Variants in ARHGAP26 observed in about 807,000 individuals in gnomAD.
ARHGAP26 encodes rho GTPase-activating protein 26.
In ARHGAP26, 38 loss-of-function variants were observed where a neutral mutation model predicts 104.8. The observed-to-expected ratio is 0.36, with a 90% CI of 0.28 to 0.48. The LOEUF (loss-of-function observed/expected upper bound fraction) is 0.48, where lower values mean the gene tolerates loss of function less well. ARHGAP26 is among the 20% of genes least tolerant of loss of function. ARHGAP26 has a pLI of 0.99. For synonymous variants in ARHGAP26, 341 were observed against 340.0 expected, an observed-to-expected ratio of 1.00 and a Z score of -0.03; for missense variants, 704 against 947.9, an observed-to-expected ratio of 0.74 and a Z score of 3.38.
intron 11 of ARHGAP26, among the ~76,000 whole-genome samples, chr5:142,944,703 T>A (rs1766846999): frequency 6.6e-6 from 1 of 152,270 alleles, no homozygotes; most frequent in Non-Finnish European, 1.5e-5. Context: ...TATACAAAAA[T>A]GTATGTAAGA....
At chr5:143,087,557 TCTC>T (rs1438479283) in intron 17 of ARHGAP26, among the ~76,000 whole-genome samples, 1 of 145,352 alleles carries the variant, frequency 6.9e-6, no homozygotes, top group Admixed American at 6.8e-5. Flanking sequence ...TCAGACATGC[TCTC>T]CTCCTCTGAC....
At chr5:143,198,080 T>C (rs1807143454) in intron 20 of ARHGAP26, among the ~76,000 whole-genome samples, 4 of 152,224 alleles carry the variant, frequency 2.6e-5, no homozygotes, top group African/African-American at 9.6e-5. Context: ...CTTTAGATTA[T>C]ACCCCAGAAC....
At chr5:143,207,341 C>T in intron 21 of ARHGAP26, 33 bp downstream of exon 21, 1 of 1,614,196 alleles carries the variant, frequency 6.2e-7, no homozygotes, top group Non-Finnish European at 8.5e-7. Context: ...TTTTCTGTTG[C>T]TGCCGTTGTT....
chr5:143,106,180 T>C (rs1028397028), intron 17 of ARHGAP26, among the ~76,000 whole-genome samples: 2 of 152,202 alleles, frequency 1.3e-5, no homozygotes, highest in Admixed American at 1.3e-4. Context: ...GTGGTGTGGC[T>C]TTCTCCTTGA....
chr5:142,834,306 C>T (rs1370738424), intron 1 of ARHGAP26, among the ~76,000 whole-genome samples: 2 of 152,236 alleles, frequency 1.3e-5, no homozygotes, highest in Admixed American at 1.3e-4. Flanking sequence ...TCCATCTCAT[C>T]TCTAGCCTTT....
intron 1 of ARHGAP26, among the ~76,000 whole-genome samples, chr5:142,855,503 CA>C (rs966414955): frequency 1.3e-5 from 2 of 152,266 alleles, no homozygotes; most frequent in African/African-American, 4.8e-5. Flanking sequence ...TCCATCTGCC[CA>C]TCATTATTGA....
intron 1 of ARHGAP26, among the ~76,000 whole-genome samples, chr5:142,836,421 G>A (rs906360441): frequency 1.3e-5 from 2 of 152,218 alleles, no homozygotes; most frequent in African/African-American, 4.8e-5. Flanking sequence ...TAAGGCAGGA[G>A]CTCAAAGCCC....
chr5:142,970,308 T>C (rs1361252822), intron 11 of ARHGAP26, among the ~76,000 whole-genome samples: 2 of 152,208 alleles, frequency 1.3e-5, no homozygotes, highest in Non-Finnish European at 2.9e-5. Flanking sequence ...GGAGTAGTTT[T>C]ATTAGTGAGC....
At chr5:142,916,619 A>G (rs1199608550) in intron 10 of ARHGAP26, among the ~76,000 whole-genome samples, 1 of 152,218 alleles carries the variant, frequency 6.6e-6, no homozygotes, top group African/African-American at 2.4e-5. Flanking sequence ...AACTACAGCA[A>G]AACAAAACAA....
intron 17 of ARHGAP26, among the ~76,000 whole-genome samples, chr5:143,091,806 A>ATACCACT (rs1174483885): frequency 2.0e-5 from 3 of 152,228 alleles, no homozygotes; most frequent in Non-Finnish European, 4.4e-5. Context: ...GAAAAACTGG[A>ATACCACT]TACCACTTTA....
At chr5:142,954,456 G>A (rs1461330341) in intron 11 of ARHGAP26, among the ~76,000 whole-genome samples, 2 of 152,132 alleles carry the variant, frequency 1.3e-5, no homozygotes, top group Non-Finnish European at 2.9e-5. Flanking sequence ...CACTTCCCAC[G>A]CAACCTCAAC....
intron 11 of ARHGAP26, among the ~76,000 whole-genome samples, chr5:142,966,996 A>G (rs1171459909): frequency 6.6e-6 from 1 of 152,222 alleles, no homozygotes; most frequent in Admixed American, 6.5e-5. Context: ...TTGTGTGTAT[A>G]TAGTGCATAT....
intron 1 of ARHGAP26, among the ~76,000 whole-genome samples, chr5:142,861,439 A>G (rs1261499369): frequency 6.7e-6 from 1 of 149,490 alleles, no homozygotes; most frequent in Non-Finnish European, 1.5e-5. Flanking sequence ...ATTTATTCTG[A>G]TGCTTAGGAG....
At chr5:142,872,951 G>C (rs1369193128) in intron 1 of ARHGAP26, among the ~76,000 whole-genome samples, 1 of 152,168 alleles carries the variant, frequency 6.6e-6, no homozygotes, top group African/African-American at 2.4e-5. Flanking sequence ...CCTAGTGAAA[G>C]TTTGTGTTGT....
At chr5:143,161,833 T>C (rs564534035) in intron 20 of ARHGAP26, among the ~76,000 whole-genome samples, 97 of 152,368 alleles carry the variant, frequency 6.4e-4, no homozygotes, top group Non-Finnish European at 1.2e-3. Context: ...AGCAGTGAGA[T>C]AGAAATCATT....
In ARHGAP26 at chr5:143,207,230, C is replaced by T. The variant is rs770211962; in HGVS notation, c.2021C>T (p.Ser674Leu). The change falls in exon 21 of 23, where the codon TCG becomes TTG. Residue 674 changes from serine to leucine, a missense_variant. Physicochemically the swap from Ser to Leu is moderately radical, Grantham distance 145 (BLOSUM62 -2). Around this residue, in one of 6 missense-constraint regions of ARHGAP26, gnomAD observed 217 missense variants for 242.6 expected, o/e 0.89. Coordinates refer to ENST00000645722, the MANE Select transcript of ARHGAP26 (RefSeq NM_001135608.3). The stretch of plus-strand genomic sequence containing the variant: ...AATCCAAGCCCAACTTCACCCCTCT[C>T]GCCATCTTGGCCCATGTTCTCGGCG... ...PPNPSPTSPL[S>L]PSWPMFSAPS... The T allele has an allele frequency of 1.8e-5, 29 of 1,614,024 alleles. No homozygotes were observed. Among genetic ancestry groups the T allele is most frequent in the South Asian group, 7.7e-5 (7 of 91,078 alleles).
At chr5:143,011,559 G>T (rs545851044) in intron 11 of ARHGAP26, among the ~76,000 whole-genome samples, 1 of 152,206 alleles carries the variant, frequency 6.6e-6, no homozygotes, top group Admixed American at 6.5e-5. Context: ...TTATTTAGGA[G>T]GTCTTCAAAC....
At chr5:143,210,513 T>C (rs1809286454) in intron 21 of ARHGAP26, among the ~76,000 whole-genome samples, 1 of 152,176 alleles carries the variant, frequency 6.6e-6, no homozygotes, top group Non-Finnish European at 1.5e-5. Context: ...GGAATGAAGA[T>C]GCCTTTTGCA....
intron 17 of ARHGAP26, among the ~76,000 whole-genome samples, chr5:143,076,649 C>A (rs1231068637): frequency 6.6e-6 from 1 of 152,016 alleles, no homozygotes; most frequent in Non-Finnish European, 1.5e-5. Context: ...TAGCATATAC[C>A]CTTTTGAACT....
Sources: gnomAD v4.1 joint callset for allele counts (sites outside exome capture counted in the v4.1 genomes callset) on GRCh38, gnomAD v4.1.1 for gene constraint, gnomAD v4.1.1 regional missense constraint, MANE v1.5 for transcripts, NCBI Gene and HGNC (gene_info 2026-07-23, HGNC 2026-07-21) for gene names.